Variants in KCNAB1 observed in about 807,000 individuals in gnomAD.
KCNAB1 encodes the protein voltage-gated potassium channel subunit beta-1.
A neutral mutation model predicts 64.6 loss-of-function variants in KCNAB1; 35 were observed. That is an observed-to-expected ratio of 0.54 (90% CI 0.41 to 0.72). The LOEUF (loss-of-function observed/expected upper bound fraction) is 0.72, where lower values mean the gene tolerates loss of function less well. Ranked by LOEUF, KCNAB1 falls within the 30% of genes least tolerant of loss-of-function variation. The probability of loss-of-function intolerance (pLI) is 0.00; values close to 1 mark genes in which losing one functional copy is unlikely to be tolerated. For missense variants in KCNAB1, 401 were observed against 512.9 expected, an observed-to-expected ratio of 0.78 and a Z score of 2.11; for synonymous variants, 177 against 183.8, an observed-to-expected ratio of 0.96 and a Z score of 0.30.
chr3:156,474,388 A>G (rs1374555516), intron 7 of KCNAB1, among the ~76,000 whole-genome samples: 1 of 152,238 alleles, frequency 6.6e-6, no homozygotes, highest in Non-Finnish European at 1.5e-5. Flanking sequence ...GCATTGTTCA[A>G]GAAGAAAAAC....
intron 1 of KCNAB1, among the ~76,000 whole-genome samples, chr3:156,227,233 T>C (rs1716235282): frequency 6.6e-6 from 1 of 152,234 alleles, no homozygotes; most frequent in South Asian, 2.1e-4. Context: ...AAAAAGTTCT[T>C]TTTTATACTT....
At chr3:156,382,708 G>C (rs1712259895) in intron 1 of KCNAB1, among the ~76,000 whole-genome samples, 1 of 152,206 alleles carries the variant, frequency 6.6e-6, no homozygotes, top group Admixed American at 6.5e-5. Context: ...GAAGGGGCAA[G>C]TGTCTCTTCC....
intron 1 of KCNAB1, among the ~76,000 whole-genome samples, chr3:156,416,708 A>T (rs922189107): frequency 2.0e-5 from 3 of 152,238 alleles, no homozygotes; most frequent in African/African-American, 7.2e-5. Context: ...GCCTAGTCTG[A>T]GGCCTGGTAC....
At chr3:156,294,929 T>C (rs1253797027) in intron 1 of KCNAB1, among the ~76,000 whole-genome samples, 1 of 152,182 alleles carries the variant, frequency 6.6e-6, no homozygotes, top group Non-Finnish European at 1.5e-5. Flanking sequence ...AGGTACTCAT[T>C]TAGTCAGCAT....
intron 1 of KCNAB1, chr3:156,143,137 A>G (rs1026978612): frequency 2.6e-6 from 4 of 1,542,480 alleles, no homozygotes; most frequent in Non-Finnish European, 3.5e-6. Context: ...TCTTAAAGTT[A>G]AGCACCGTGC....
At chr3:156,145,842 G>A (rs1039530486) in intron 1 of KCNAB1, among the ~76,000 whole-genome samples, 8 of 152,076 alleles carry the variant, frequency 5.3e-5, no homozygotes, top group African/African-American at 1.9e-4. Flanking sequence ...CAGTCTAAGT[G>A]GGGGAGGGAT....
intron 1 of KCNAB1, among the ~76,000 whole-genome samples, chr3:156,361,306 G>A (rs1725597189): frequency 6.6e-6 from 1 of 151,938 alleles, no homozygotes; most frequent in Non-Finnish European, 1.5e-5. Context: ...CCAGTTTCAG[G>A]TCTCATCTCA....
intron 1 of KCNAB1, among the ~76,000 whole-genome samples, chr3:156,206,692 C>T (rs1560136234): frequency 6.6e-6 from 1 of 152,180 alleles, no homozygotes; most frequent in Non-Finnish European, 1.5e-5. Flanking sequence ...CATATAACAG[C>T]CACCTGGGGA....
chr3:156,339,735 G>A (rs1367054527), intron 1 of KCNAB1, among the ~76,000 whole-genome samples: 3 of 152,162 alleles, frequency 2.0e-5, no homozygotes, highest in Admixed American at 2.0e-4. Context: ...ACATCCTCTG[G>A]CCATTGCACA....
chr3:156,478,352 AT>A (rs1406013721), intron 8 of KCNAB1, among the ~76,000 whole-genome samples: 1 of 152,152 alleles, frequency 6.6e-6, no homozygotes, highest in Non-Finnish European at 1.5e-5. Context: ...GACCCTTAGC[AT>A]TTGTAAATCA....
chr3:156,287,298 G>A (rs892221153), intron 1 of KCNAB1, among the ~76,000 whole-genome samples: 1 of 147,894 alleles, frequency 6.8e-6, no homozygotes, highest in African/African-American at 2.5e-5. Context: ...CTCAGGCAAA[G>A]TGTAGGAGTA....
chr3:156,184,850 A>AT (rs1713088751), intron 1 of KCNAB1, among the ~76,000 whole-genome samples: 1 of 151,962 alleles, frequency 6.6e-6, no homozygotes, highest in South Asian at 2.1e-4. Flanking sequence ...TGGTTGGGCC[A>AT]TTTTCCCTCC....
chr3:156,515,730 A>G (rs950874503), intron 10 of KCNAB1, among the ~76,000 whole-genome samples: 1 of 152,178 alleles, frequency 6.6e-6, no homozygotes, highest in African/African-American at 2.4e-5. Context: ...TATATAATAT[A>G]CCCAAGAAAT....
intron 1 of KCNAB1, among the ~76,000 whole-genome samples, chr3:156,262,885 T>C (rs1320987784): frequency 6.6e-6 from 1 of 151,924 alleles, no homozygotes; most frequent in East Asian, 1.9e-4. Context: ...GAGTCAGTTT[T>C]GGTAATTTGT....
At chr3:156,286,438 C>A (rs994041335) in intron 1 of KCNAB1, among the ~76,000 whole-genome samples, 4 of 152,136 alleles carry the variant, frequency 2.6e-5, no homozygotes, top group African/African-American at 9.7e-5. Context: ...TTTTGCCTGG[C>A]TGCATAATTG....
chr3:156,481,512 G>C (rs1028898337), intron 8 of KCNAB1, among the ~76,000 whole-genome samples: 1 of 151,478 alleles, frequency 6.6e-6, no homozygotes, highest in Non-Finnish European at 1.5e-5. Flanking sequence ...GATACTTTAG[G>C]CCTATTTAGC....
At chr3:156,356,446 A>G (rs1725249264) in intron 1 of KCNAB1, among the ~76,000 whole-genome samples, 1 of 152,114 alleles carries the variant, frequency 6.6e-6, no homozygotes, top group South Asian at 2.1e-4. Context: ...CTACGGGGGC[A>G]GGGATCATCC....
At chr3:156,164,390 A>G (rs1038825645) in intron 1 of KCNAB1, among the ~76,000 whole-genome samples, 11 of 152,168 alleles carry the variant, frequency 7.2e-5, no homozygotes, top group African/African-American at 2.7e-4. Flanking sequence ...TCATTTTTCC[A>G]TCAGTGTCCC....
intron 1 of KCNAB1, among the ~76,000 whole-genome samples, chr3:156,232,787 G>A (rs1716610640): frequency 1.3e-5 from 2 of 152,190 alleles, no homozygotes; most frequent in African/African-American, 4.8e-5. Flanking sequence ...TGAAGGGCTG[G>A]TAGTAATACA....
Sources: allele counts gnomAD v4.1 joint callset (sites outside exome capture counted in the v4.1 genomes callset), GRCh38; gene constraint gnomAD v4.1.1; transcripts MANE v1.5; gene names NCBI Gene and HGNC (gene_info 2026-07-23, HGNC 2026-07-21).